TMEM200C: variants seen among roughly 807,000 people sequenced by gnomAD.
TMEM200C encodes the protein transmembrane protein 200C.
For synonymous variants in TMEM200C, 462 were observed against 324.7 expected (o/e 1.42, Z -4.55); for missense variants, 966 against 699.9 (o/e 1.38, Z -4.29).
chr18:5,889,085 G>A (rs2095167577), exon 3 of TMEM200C: 1 of 152,212 alleles, frequency 6.6e-6, no homozygotes, highest in Non-Finnish European at 1.5e-5. Flanking sequence ...TGTAGGCCAT[G>A]GATCAAGACC....
chr18:5,895,560 GCGCCCC>G (rs1210772886), intron 1 of TMEM200C, 38 bp from the exon 1 acceptor site: 89 of 145,322 alleles, frequency 6.1e-4, no homozygotes, highest in Admixed American at 1.0e-3. Flanking sequence ...GAGTCGGGGG[GCGCCCC>G]CGCCCCCGCC....
At chr18:5,886,380 G>T (rs907669088) in exon 3 of TMEM200C, 1 of 152,078 alleles carries the variant, frequency 6.6e-6, no homozygotes, top group Admixed American at 6.6e-5. Flanking sequence ...CAGTTTGGGC[G>T]TTCATTCATT....
At position 5,891,300 on chromosome 18, in the gene TMEM200C, T is replaced by G; in HGVS notation, c.764A>C (p.Gln255Pro). The G allele has an allele frequency of 2.8e-6, 4 of 1,412,642 alleles. No homozygotes were observed. The highest frequency in any genetic ancestry group is 3.7e-6 in the Non-Finnish European group (4 of 1,077,734). The allele number at this position is 1,412,642 out of a possible 1,614,324, so 87.5% of individuals were successfully genotyped here. The change falls in exon 3 of 3, where the codon CAG becomes CCG. Residue 255 changes from glutamine to proline, a missense_variant. Gln to Pro is a moderately conservative substitution (Grantham distance 76, BLOSUM62 -1). Transcript: ENST00000581347. This position sits in a 1 kb window ranked among gnomAD's most constrained non-coding sequence, Gnocchi z 4.7. ...GGGCTTCAGCTCCAGGCCCCGCGAC[T>G]GCACGTAGCTGAGGAAGCCGTTGAG...
Position 5,891,599 on chromosome 18 carries a change from G to A in TMEM200C, c.465C>T (p.Ile155=). 2 of 1,613,900 alleles carry A rather than the reference G, an allele frequency of 1.2e-6. No individual in the cohort carries two copies. Among genetic ancestry groups the A allele is most frequent in the Non-Finnish European group, 1.7e-6 (2 of 1,179,864 alleles). Reference sequence around the variant, plus strand: ...TGTCAGAGTGCAGGTAGCCAGAGAAGATGCGGAAGAAGAAGCCCACGGACG... The same window carrying A: ...TGTCAGAGTGCAGGTAGCCAGAGAAAATGCGGAAGAAGAAGCCCACGGACG... The change falls in exon 3 of 3, where the codon ATC becomes ATT. Residue 155 remains isoleucine (I), a synonymous_variant. Transcript: ENST00000581347. The surrounding 1 kb of genome is among the most constrained non-coding windows in gnomAD (Gnocchi z 4.7).
exon 3 of TMEM200C, chr18:5,885,565 G>A (rs1378652771): frequency 6.6e-6 from 1 of 152,182 alleles, no homozygotes; most frequent in Admixed American, 6.5e-5. Context: ...AACTCCTACT[G>A]TAGTTCACAC....
At chr18:5,887,654 C>T (rs1271992615) in exon 3 of TMEM200C, 2 of 152,312 alleles carry the variant, frequency 1.3e-5, no homozygotes, top group Non-Finnish European at 2.9e-5. Flanking sequence ...GATCCTACTT[C>T]AATAGAGTTG....
exon 3 of TMEM200C, chr18:5,882,717 T>TACTATC (rs2095162664): frequency 6.6e-6 from 1 of 152,164 alleles, no homozygotes; most frequent in African/African-American, 2.4e-5. Flanking sequence ...TTATTACTAT[T>TACTATC]ACTATCACTA....
chr18:5,885,391 A>G (rs370314610), exon 3 of TMEM200C: 1 of 152,342 alleles, frequency 6.6e-6, no homozygotes, highest in East Asian at 1.9e-4. Context: ...ATGTTATCTT[A>G]CTAACGAATC....
chr18:5,895,851 C>T, intron 1 of TMEM200C: 1 of 151,718 alleles, frequency 6.6e-6, no homozygotes, highest in Non-Finnish European at 1.5e-5. Flanking sequence ...TTTCCTCCAA[C>T]TACCTGTCTG....
exon 3 of TMEM200C, chr18:5,884,909 T>G (rs1032351067): frequency 8.5e-5 from 13 of 152,182 alleles, no homozygotes; most frequent in Non-Finnish European, 1.5e-4. Context: ...CCCATAAATT[T>G]ATTTTCAATT....
intron 2 of TMEM200C, among the ~76,000 whole-genome samples, chr18:5,894,491 T>G (rs1225025258): frequency 6.6e-6 from 1 of 152,158 alleles, no homozygotes; most frequent in Non-Finnish European, 1.5e-5. Flanking sequence ...TTGGCTGCCC[T>G]CGCAATTTAC....
rs2095175266 is a variant in TMEM200C at position 5,895,537 on chromosome 18, GC to G, written c.-545-58del. 1 of 147,706 alleles carries G rather than the reference GC, an allele frequency of 6.8e-6. No individual in the cohort carries two copies. Among genetic ancestry groups the G allele is most frequent in the Non-Finnish European group, 1.5e-5 (1 of 66,268 alleles). The allele number at this position is 147,706 out of a possible 1,614,324, so 9.1% of individuals were successfully genotyped here. ...TGCGGCAGGGTGGCGGTCGGGGCCCGCCCGGCTCGGCGGAGTCGGGGGGCGC... is the reference window on the plus strand; with the variant it reads ...TGCGGCAGGGTGGCGGTCGGGGCCCGCCGGCTCGGCGGAGTCGGGGGGCGC... On this transcript the variant is annotated intron_variant, in intron 1 of 2. Coordinates refer to ENST00000581347, the Ensembl canonical transcript of TMEM200C.
chr18:5,890,613 G>C (rs1215454235), exon 3 of TMEM200C: 3 of 1,073,396 alleles, frequency 2.8e-6, no homozygotes, highest in Non-Finnish European at 3.6e-6. Context: ...CGGGGGCTCG[G>C]GGGACGGCGG....
chr18:5,891,651 C>G lies in TMEM200C; in HGVS notation c.413G>C (p.Arg138Pro). The G allele has an allele frequency of 6.2e-7, 1 of 1,613,768 alleles. No homozygotes were observed. The highest frequency in any genetic ancestry group is 8.5e-7 in the Non-Finnish European group (1 of 1,179,818). The change falls in exon 3 of 3, where the codon CGA becomes CCA. Residue 138 changes from arginine (R) to proline (P), a missense_variant. Transcript: ENST00000581347. The surrounding 1 kb of genome is among the most constrained non-coding windows in gnomAD (Gnocchi z 4.7). ...GGAGGAGGAGGACGGGGAGGCGGCT[C>G]GTGCTGGAGGCGTGCTCCTGGGCGC...
exon 3 of TMEM200C, chr18:5,882,163 A>T (rs1432194627): frequency 6.6e-6 from 1 of 152,204 alleles, no homozygotes; most frequent in Admixed American, 6.5e-5. Flanking sequence ...CTGCATTACA[A>T]GTTGCCACAT....
rs2095170752 is a variant in TMEM200C, at chr18:5,891,347, C to T, written c.717G>A (p.Ala239=). Residue 239 remains alanine (A), a synonymous_variant, in exon 3 of 3, where the codon GCG becomes GCA. Transcript: ENST00000581347. The surrounding 1 kb of genome is among the most constrained non-coding windows in gnomAD (Gnocchi z 4.7). ...TGAGCGGTATGGCCCCGGGGGGCGCCGCGGCGGGGGCAGACGACGACGAAG... is the reference window on the plus strand; with the variant it reads ...TGAGCGGTATGGCCCCGGGGGGCGCTGCGGCGGGGGCAGACGACGACGAAG... 2.3e-6 allele frequency: 3 copies of T among 1,328,230 alleles called. No individual in the cohort carries two copies. The African/African-American group carries it at 4.7e-5, about 21-fold the overall frequency. 82.3% of individuals were successfully genotyped at this position (1,328,230 alleles called of 1,614,324 possible). A position where few individuals can be genotyped will look rare whatever the true frequency, so the allele number is the denominator to read the frequency against.
upstream of TMEM200C, chr18:5,896,041 C>A (rs1222516964): frequency 6.6e-6 from 1 of 152,340 alleles, no homozygotes; most frequent in African/African-American, 2.4e-5. Context: ...GGGCTCTCTT[C>A]CCCCTCCCGC....
exon 3 of TMEM200C, chr18:5,885,021 T>C (rs2095164354): frequency 6.6e-6 from 1 of 152,162 alleles, no homozygotes. Context: ...AATATATGAA[T>C]TAATGTCTAG....
At position 5,891,593 on chromosome 18, in the gene TMEM200C, A is replaced by T; in HGVS notation, c.471T>A (p.Ser157=). ...TGAGCTTGTCAGAGTGCAGGTAGCC[A>T]GAGAAGATGCGGAAGAAGAAGCCCA... Residue 157 remains serine, a synonymous_variant, in exon 3 of 3, where the codon TCT becomes TCA. Transcript: ENST00000581347. This position sits in a 1 kb window ranked among gnomAD's most constrained non-coding sequence, Gnocchi z 4.7. 3.7e-6 allele frequency: 6 copies of T among 1,613,866 alleles called. No homozygotes were observed. The highest frequency in any genetic ancestry group is 5.1e-6 in the Non-Finnish European group (6 of 1,179,848).
Sources: allele counts gnomAD v4.1 joint callset (sites outside exome capture counted in the v4.1 genomes callset), GRCh38; gene constraint gnomAD v4.1.1; non-coding constraint Gnocchi (gnomAD v3.1); transcripts MANE v1.5; gene names NCBI Gene and HGNC (gene_info 2026-07-23, HGNC 2026-07-21).